The following DCUN1D1 variants were observed in gnomAD, a reference collection of about 807,000 sequenced individuals.
The protein encoded by DCUN1D1 is defective in cullin neddylation 1 domain containing 1, also known as DCN1-like protein 1.
In DCUN1D1, 3 loss-of-function variants were observed where a neutral mutation model predicts 39.0. The observed-to-expected ratio is 0.08, with a 90% CI of 0.04 to 0.20. The LOEUF (loss-of-function observed/expected upper bound fraction) is 0.20. DCUN1D1 is among the 10% of genes least tolerant of loss of function. The pLI, the probability that DCUN1D1 is intolerant of heterozygous loss-of-function variation, is 1.00. For synonymous variants in DCUN1D1, 82 were observed against 96.3 expected (o/e 0.85, Z 0.87); for missense variants, 158 against 302.4 (o/e 0.52, Z 3.54).
intron 1 of DCUN1D1, among the ~76,000 whole-genome samples, chr3:182,970,369 C>T (rs1320654526): frequency 6.6e-6 from 1 of 152,134 alleles, no homozygotes. Flanking sequence ...AAAAGTATTT[C>T]CCCAAGGAAA....
chr3:182,947,532 T>G lies in DCUN1D1; in HGVS notation c.603+18A>C. 1 of 1,401,454 alleles carries G rather than the reference T, an allele frequency of 7.1e-7. No individual in the cohort carries two copies. The allele number at this position is 1,401,454 out of a possible 1,614,324, so 86.8% of individuals were successfully genotyped here. A position where few individuals can be genotyped will look rare whatever the true frequency, so the allele number is the denominator to read the frequency against. On this transcript the variant is annotated intron_variant, in intron 5 of 6. Coordinates refer to ENST00000292782, the MANE Select transcript of DCUN1D1 (RefSeq NM_020640.4). ...GAATTTGAGAAAACAGAGAGAAATG[T>G]AGAAAATGTGAACTTACCAACAAAA...
chr3:182,983,663 C>T (rs541722973), upstream of DCUN1D1, among the ~76,000 whole-genome samples: 169 of 151,968 alleles, frequency 1.1e-3, no homozygotes, highest in Admixed American at 2.8e-3. Flanking sequence ...GCTGAGATCG[C>T]GCCACTGCAC....
chr3:182,982,352 G>A (rs1411836798), upstream of DCUN1D1, among the ~76,000 whole-genome samples: 2 of 152,048 alleles, frequency 1.3e-5, no homozygotes, highest in Non-Finnish European at 2.9e-5. Context: ...GTCAACTACT[G>A]CCCATATCAA....
At chr3:182,974,205 T>A (rs918860755) in intron 1 of DCUN1D1, among the ~76,000 whole-genome samples, 2 of 152,214 alleles carry the variant, frequency 1.3e-5, no homozygotes, top group East Asian at 3.9e-4. Context: ...TGAGCCGAGA[T>A]TGCACCACTG....
rs761298280 is a variant in DCUN1D1 at position 182,980,470 on chromosome 3, C to A, written c.3+17G>T. 2.5e-6 allele frequency: 3 copies of A among 1,178,350 alleles called. No individual in the cohort carries two copies. The highest frequency in any genetic ancestry group is 2.3e-5 in the South Asian group (1 of 43,450). The allele number at this position is 1,178,350 out of a possible 1,614,324, so 73.0% of individuals were successfully genotyped here. Reference sequence around the variant, plus strand: ...GCCCCCAGCCGGCAGGGCGGGCGGGCGGCCGCAGTGCCTCACCATGTTGGT... The same window carrying A: ...GCCCCCAGCCGGCAGGGCGGGCGGGAGGCCGCAGTGCCTCACCATGTTGGT... On this transcript the variant is annotated intron_variant, in intron 1 of 6. Transcript: ENST00000292782.
At chr3:182,950,589 C>A (rs1200280022) in intron 4 of DCUN1D1, among the ~76,000 whole-genome samples, 1 of 152,090 alleles carries the variant, frequency 6.6e-6, no homozygotes, top group Non-Finnish European at 1.5e-5. Context: ...CCTTTACTGG[C>A]TATACCCTTT....
rs575058769 is a variant in DCUN1D1 at position 182,972,553 on chromosome 3, G to T, written c.4-6800C>A. 7.9e-5 allele frequency among the ~76,000 whole-genome samples: 12 copies of T among 151,878 alleles called. No individual in the cohort carries two copies. In the East Asian group the frequency reaches 2.3e-3, roughly 30 times the overall value. On this transcript the variant is annotated intron_variant, in intron 1 of 6. Transcript: ENST00000292782. ...GCACTTTGGGAGGTCGAGGGAGGAG[G>T]ACTGCTTGAGCCCAGAGTTCAAGAC...
intron 1 of DCUN1D1, among the ~76,000 whole-genome samples, chr3:182,966,279 C>A (rs1235049959): frequency 6.6e-6 from 1 of 152,180 alleles, no homozygotes; most frequent in Non-Finnish European, 1.5e-5. Flanking sequence ...CTCCCCAACA[C>A]CACCTACCTT....
rs1191527893 is a variant in DCUN1D1, at chr3:182,954,514, G to A, written c.520+6712C>T. On this transcript the variant is annotated intron_variant, in intron 4 of 6. Coordinates refer to ENST00000292782, the MANE Select transcript of DCUN1D1 (RefSeq NM_020640.4). The stretch of plus-strand genomic sequence containing the variant: ...TTGCTGGGATCTTCTGATGCCGGCA[G>A]TTTCTTCACCTGGCTGTATAAATGC... 6.6e-5 allele frequency among the ~76,000 whole-genome samples: 10 copies of A among 152,216 alleles called. No individual in the cohort carries two copies. In the East Asian group the frequency reaches 7.7e-4, roughly 12 times the overall value.
rs1726236195 is a variant in DCUN1D1, at chr3:182,943,398, A to T, written c.*1696T>A. On this transcript the variant is annotated 3_prime_UTR_variant, in exon 7 of 7. Coordinates refer to ENST00000292782, the MANE Select transcript of DCUN1D1 (RefSeq NM_020640.4). ...TCCAGTAGCCTGAATAGAAATTTTC[A>T]AATTTTTCTTTTGGTAAAACTGCAT... 6.6e-6 allele frequency: 1 copy of T among 152,584 alleles called. No individual in the cohort carries two copies. Among genetic ancestry groups the T allele is most frequent in the East Asian group, 1.9e-4 (1 of 5,190 alleles). The allele number at this position is 152,584 out of a possible 1,614,324, so 9.5% of individuals were successfully genotyped here.
intron 4 of DCUN1D1, among the ~76,000 whole-genome samples, chr3:182,951,348 C>G (rs1726724312): frequency 6.6e-6 from 1 of 151,870 alleles, no homozygotes; most frequent in Non-Finnish European, 1.5e-5. Flanking sequence ...CCATGTGGCA[C>G]CTATAAATGC....
chr3:182,959,515 A>AAC (rs1456280389), intron 4 of DCUN1D1, among the ~76,000 whole-genome samples: 1 of 151,012 alleles, frequency 6.6e-6, no homozygotes, highest in Non-Finnish European at 1.5e-5. Context: ...AAAAAAAAAA[A>AAC]AAAAAAAAAA....
rs1726170379 is a variant in DCUN1D1, at chr3:182,942,245, T to C, written c.*2849A>G. 1 of 152,112 alleles carries C rather than the reference T, an allele frequency of 6.6e-6. No individual in the cohort carries two copies. Among genetic ancestry groups the C allele is most frequent in the South Asian group, 2.1e-4 (1 of 4,834 alleles). The allele number at this position is 152,112 out of a possible 1,614,324, so 9.4% of individuals were successfully genotyped here. ...GTAGTAAACAAGACTTGGCATGTCT[T>C]TTCTCCCCAAAACATGCCATTACAA... On this transcript the variant is annotated 3_prime_UTR_variant, in exon 7 of 7. Transcript: ENST00000292782.
At chr3:182,970,962 A>G (rs1727906033) in intron 1 of DCUN1D1, among the ~76,000 whole-genome samples, 1 of 152,206 alleles carries the variant, frequency 6.6e-6, no homozygotes, top group Admixed American at 6.5e-5. Context: ...TTCACCTAGA[A>G]ACAAAGTTCT....
In DCUN1D1 at chr3:182,942,371, G is replaced by C. The variant is rs1349866286; in HGVS notation, c.*2723C>G. The C allele has an allele frequency of 1.1e-4, 16 of 152,006 alleles. No individual in the cohort carries two copies. The highest frequency in any genetic ancestry group is 2.1e-4 in the Non-Finnish European group (14 of 67,970). The allele number at this position is 152,006 out of a possible 1,614,324, so 9.4% of individuals were successfully genotyped here. On this transcript the variant is annotated 3_prime_UTR_variant, in exon 7 of 7. Transcript: ENST00000292782. ...AAATATGTGAAAAGATTTAGTCATG[G>C]CAATTTCACTGCAGCTTTTATTGCC...
At chr3:182,960,195 CA>C (rs1163643515) in intron 4 of DCUN1D1, among the ~76,000 whole-genome samples, 2 of 152,100 alleles carry the variant, frequency 1.3e-5, no homozygotes, top group Non-Finnish European at 2.9e-5. Context: ...ACTAAAAGCT[CA>C]CATTAAATGG....
At chr3:182,950,370 T>A (rs1172636498) in intron 4 of DCUN1D1, among the ~76,000 whole-genome samples, 1 of 151,932 alleles carries the variant, frequency 6.6e-6, no homozygotes, top group Non-Finnish European at 1.5e-5. Context: ...ATGGTCTCTA[T>A]CTCCTGACCT....
chr3:182,970,628 A>T (rs970572119), intron 1 of DCUN1D1, among the ~76,000 whole-genome samples: 11 of 152,224 alleles, frequency 7.2e-5, no homozygotes, highest in Non-Finnish European at 1.0e-4. Flanking sequence ...GGATTTGATG[A>T]ATCTAGCTCA....
intron 1 of DCUN1D1, among the ~76,000 whole-genome samples, chr3:182,972,920 T>C (rs1378471935): frequency 6.6e-6 from 1 of 152,122 alleles, no homozygotes; most frequent in Non-Finnish European, 1.5e-5. Flanking sequence ...CACATGCCTG[T>C]AATCCCAGCT....
Sources: gnomAD v4.1 joint callset for allele counts (sites outside exome capture counted in the v4.1 genomes callset) on GRCh38, gnomAD v4.1.1 for gene constraint, MANE v1.5 for transcripts, NCBI Gene and HGNC (gene_info 2026-07-23, HGNC 2026-07-21) for gene names.